PKHD1: variants seen among roughly 807,000 people sequenced by gnomAD.
The protein encoded by PKHD1 is fibrocystin.
PKHD1 carries 291 observed loss-of-function variants against 412.0 expected under a neutral mutation model. The ratio of observed to expected loss-of-function variants is 0.71; its 90% CI spans 0.64 to 0.78. The LOEUF (loss-of-function observed/expected upper bound fraction) is 0.78. Ranked by LOEUF, PKHD1 falls within the 30% of genes least tolerant of loss-of-function variation. The probability of loss-of-function intolerance (pLI) is 0.00; values close to 1 mark genes in which losing one functional copy is unlikely to be tolerated. For synonymous variants in PKHD1, 1,777 were observed against 1,821.5 expected (o/e 0.98, Z 0.62); for missense variants, 4,825 against 4,950.7 (o/e 0.97, Z 0.76).
intron 55 of PKHD1, among the ~76,000 whole-genome samples, chr6:51,764,796 T>C (rs1210384183): frequency 6.6e-6 from 1 of 152,040 alleles, no homozygotes; most frequent in Non-Finnish European, 1.5e-5. Context: ...CATGGTATTC[T>C]TTCAGACCCT....
chr6:52,046,400 C>T (rs1366118993), intron 23 of PKHD1, among the ~76,000 whole-genome samples: 2 of 152,164 alleles, frequency 1.3e-5, no homozygotes, highest in South Asian at 2.1e-4. Flanking sequence ...TTTTATATTA[C>T]ACTATCTTTC....
intron 54 of PKHD1, among the ~76,000 whole-genome samples, 157 bp from the exon 55 acceptor site, chr6:51,772,946 AT>A (rs1225343151): frequency 2.6e-5 from 4 of 152,042 alleles, no homozygotes. Flanking sequence ...TAAATGCTCT[AT>A]TTTACAATAC....
intron 31 of PKHD1, 44 bp from the exon 32 acceptor site, chr6:52,026,225 T>G: frequency 6.4e-7 from 1 of 1,569,202 alleles, no homozygotes; most frequent in South Asian, 1.1e-5. Flanking sequence ...GCTGATATTC[T>G]GAACTAAGAA....
chr6:51,839,808 A>T (rs951633940), intron 50 of PKHD1, among the ~76,000 whole-genome samples: 1 of 151,884 alleles, frequency 6.6e-6, no homozygotes, highest in African/African-American at 2.4e-5. Context: ...GTTTTAGTTT[A>T]TGCACATATT....
At chr6:51,761,630 A>G (rs1354248983) in intron 55 of PKHD1, among the ~76,000 whole-genome samples, 4 of 152,210 alleles carry the variant, frequency 2.6e-5, no homozygotes, top group South Asian at 4.1e-4. Flanking sequence ...GAGATAATAC[A>G]TATGTTAATT....
In PKHD1 at chr6:51,887,174, C is replaced by A. The variant is rs200774031; in HGVS notation, c.7068G>T (p.Pro2356=). 2.5e-6 allele frequency: 4 copies of A among 1,613,098 alleles called. No individual in the cohort carries two copies. The highest frequency in any genetic ancestry group is 3.4e-6 in the Non-Finnish European group (4 of 1,179,210). ...CAATGTTCTGAGTGAAGGAAAGAAG[C>A]GGAGCTTGTGATGTTTGGTTGGTCA... ...HLMTNQTSQA[P]LLSFTQNIAH... is the part of the protein sequence containing the mutation. The change falls in exon 44 of 67, where the codon CCG becomes CCT. Residue 2356 remains proline, a synonymous_variant. Coordinates refer to ENST00000371117, the MANE Select transcript of PKHD1 (RefSeq NM_138694.4).
rs755422798 is a variant in PKHD1 at position 52,028,229 on chromosome 6, C to T, written c.3487G>A (p.Ala1163Thr). The T allele has an allele frequency of 4.3e-6, 7 of 1,614,038 alleles. No homozygotes were observed. Among genetic ancestry groups the T allele is most frequent in the Non-Finnish European group, 5.9e-6 (7 of 1,180,026 alleles). ...AGACCAGCTGGCAGTGGGGGCAGTG[C>T]CACCTCCAGGCCCCAAGCCGACTGT... ...HTQSAWGLEV[A>T]LPPLPAGLHR... Residue 1163 changes from alanine to threonine, a missense_variant, in exon 30 of 67, where the codon GCA (alanine) becomes ACA (threonine). Coordinates refer to ENST00000371117, the MANE Select transcript of PKHD1 (RefSeq NM_138694.4).
chr6:51,958,726 G>A (rs2127940010), intron 36 of PKHD1, among the ~76,000 whole-genome samples: 1 of 152,166 alleles, frequency 6.6e-6, no homozygotes, highest in African/African-American at 2.4e-5. Flanking sequence ...TCTCTGAAAT[G>A]AGGCTTTAGG....
chr6:52,062,588 T>G lies in PKHD1; in HGVS notation c.1049A>C (p.Tyr350Ser), dbSNP rs1235122484. The change falls in exon 14 of 67, where the codon TAC becomes TCC. Residue 350 changes from tyrosine to serine, a missense_variant. Tyr to Ser is a moderately radical substitution (Grantham distance 144). Transcript: ENST00000371117. The stretch of plus-strand genomic sequence containing the variant: ...GGCATTAGGGACAATCTGCCACCTG[T>G]ACCCTGGGGTGGCTTCAGTCAGTTC... Reference protein sequence around the residue: ...GLELTEATPGYRWQIVPNASS... With the variant: ...GLELTEATPGSRWQIVPNASS... 1.2e-6 allele frequency: 2 copies of G among 1,613,834 alleles called. No individual in the cohort carries two copies. Among genetic ancestry groups the G allele is most frequent in the South Asian group, 2.2e-5 (2 of 91,090 alleles).
At chr6:52,059,029 G>A (rs186535204) in intron 15 of PKHD1, among the ~76,000 whole-genome samples, 8 of 152,250 alleles carry the variant, frequency 5.3e-5, no homozygotes, top group South Asian at 2.1e-4. Flanking sequence ...AAAATATTGT[G>A]ATTCTTTGTC....
intron 35 of PKHD1, among the ~76,000 whole-genome samples, chr6:52,000,887 C>T (rs1281853088): frequency 6.6e-6 from 1 of 152,100 alleles, no homozygotes; most frequent in Non-Finnish European, 1.5e-5. Flanking sequence ...TACAAAGAGT[C>T]CCTGAGAAAC....
intron 63 of PKHD1, among the ~76,000 whole-genome samples, chr6:51,644,821 A>G (rs1452119964): frequency 6.6e-6 from 1 of 152,136 alleles, no homozygotes; most frequent in Non-Finnish European, 1.5e-5. Context: ...CTGGGACTTC[A>G]GGTGCATGCC....
chr6:51,981,782 G>A (rs1179908443), intron 35 of PKHD1, among the ~76,000 whole-genome samples: 15 of 138,814 alleles, frequency 1.1e-4, no homozygotes, highest in African/African-American at 2.5e-4. Flanking sequence ...GCCACCCATC[G>A]TCTGGGATAT....
chr6:52,069,677 A>C (rs1306813777), intron 10 of PKHD1, 150 bp from the exon 11 acceptor site: 1 of 737,806 alleles, frequency 1.4e-6, no homozygotes, highest in Non-Finnish European at 2.5e-6. Context: ...ACTAAAGAAC[A>C]ATACCAACAG....
intron 48 of PKHD1, among the ~76,000 whole-genome samples, chr6:51,862,866 C>T (rs1448593557): frequency 2.6e-5 from 4 of 152,168 alleles, no homozygotes; most frequent in Non-Finnish European, 4.4e-5. Context: ...AGTACAACGT[C>T]ATATGATTAT....
At chr6:51,824,923 C>T (rs551786112) in intron 52 of PKHD1, among the ~76,000 whole-genome samples, 12 of 152,102 alleles carry the variant, frequency 7.9e-5, no homozygotes, top group Admixed American at 3.9e-4. Flanking sequence ...ACAAATACCA[C>T]TTTCAGGCAG....
intron 52 of PKHD1, among the ~76,000 whole-genome samples, chr6:51,818,118 G>A (rs370864436): frequency 6.6e-6 from 1 of 152,176 alleles, no homozygotes; most frequent in Non-Finnish European, 1.5e-5. Flanking sequence ...CATTGCCGAT[G>A]TTACAAATGA....
At chr6:51,809,543 G>A (rs546908718) in intron 52 of PKHD1, among the ~76,000 whole-genome samples, 80 of 151,874 alleles carry the variant, frequency 5.3e-4, no homozygotes, top group Admixed American at 5.9e-4. Context: ...AGCTTCTCAC[G>A]TTCTAATTTT....
At chr6:52,020,327 A>T (rs1367717159) in intron 33 of PKHD1, among the ~76,000 whole-genome samples, 1 of 152,232 alleles carries the variant, frequency 6.6e-6, no homozygotes, top group East Asian at 1.9e-4. Context: ...GCAAGACTGC[A>T]GTATAATTGT....
Sources: gnomAD v4.1 joint callset for allele counts (sites outside exome capture counted in the v4.1 genomes callset) on GRCh38, gnomAD v4.1.1 for gene constraint, MANE v1.5 for transcripts, NCBI Gene and HGNC (gene_info 2026-07-23, HGNC 2026-07-21) for gene names.